IPMK: variants seen among roughly 807,000 people sequenced by gnomAD.
IPMK encodes the protein inositol polyphosphate multikinase, also known as inositol 1,3,4,6-tetrakisphosphate 5-kinase.
A neutral mutation model predicts 45.8 loss-of-function variants in IPMK; 17 were observed. The observed-to-expected ratio is 0.37, with a 90% CI of 0.25 to 0.56. IPMK has a LOEUF of 0.56. Among genes scored for constraint, IPMK ranks in the 20% least tolerant of loss-of-function variants. The pLI, the probability that IPMK is intolerant of heterozygous loss-of-function variation, is 0.79. For missense variants in IPMK, 399 were observed against 498.0 expected, an observed-to-expected ratio of 0.80 and a Z score of 1.89; for synonymous variants, 180 against 184.3, an observed-to-expected ratio of 0.98 and a Z score of 0.19.
intron 4 of IPMK, among the ~76,000 whole-genome samples, chr10:58,203,270 A>G (rs1448034517): frequency 6.6e-6 from 1 of 152,234 alleles, no homozygotes; most frequent in Admixed American, 6.5e-5. Flanking sequence ...AATTGCTGCA[A>G]TCTCATGATA....
chr10:58,229,256 T>C (rs1448679068), intron 2 of IPMK, among the ~76,000 whole-genome samples: 1 of 152,106 alleles, frequency 6.6e-6, no homozygotes, highest in East Asian at 1.9e-4. Context: ...GGGCAATTTG[T>C]ATTTAAAAAA....
At position 58,196,317 on chromosome 10, in the gene IPMK, A is replaced by G. The variant is rs1837892228; in HGVS notation, c.1010T>C (p.Val337Ala). Reference protein sequence around the residue: ...KKHHSQTSLKVENLEQDNGWK... With the variant: ...KKHHSQTSLKAENLEQDNGWK... ...CCCATTGTCTTGCTCCAGATTTTCAACTTTCAATGAAGTCTGACTGTGATG... is the reference window on the plus strand; with the variant it reads ...CCCATTGTCTTGCTCCAGATTTTCAGCTTTCAATGAAGTCTGACTGTGATG... Residue 337 changes from valine (V) to alanine (A), a missense_variant, in exon 6 of 6, where the codon GTT becomes GCT. Physicochemically the swap from Val to Ala is moderately conservative, Grantham distance 64 (BLOSUM62 0). This residue lies in a region of IPMK where 288 missense variants were observed against 398.0 expected (regional missense o/e 0.72). Transcript: ENST00000373935. 6.2e-7 allele frequency: 1 copy of G among 1,614,174 alleles called. No individual in the cohort carries two copies. Among genetic ancestry groups the G allele is most frequent in the Non-Finnish European group, 8.5e-7 (1 of 1,180,026 alleles).
At chr10:58,262,194 G>T (rs1839082347) in intron 1 of IPMK, among the ~76,000 whole-genome samples, 1 of 152,056 alleles carries the variant, frequency 6.6e-6, no homozygotes, top group South Asian at 2.1e-4. Flanking sequence ...GTATACATAT[G>T]TAACAAACCT....
intron 2 of IPMK, among the ~76,000 whole-genome samples, chr10:58,236,280 G>A (rs1838611522): frequency 1.3e-5 from 2 of 151,980 alleles, no homozygotes; most frequent in South Asian, 4.2e-4. Flanking sequence ...GATACGAAAA[G>A]GCTCCTGGAC....
At chr10:58,242,355 G>A (rs1469109175) in intron 1 of IPMK, among the ~76,000 whole-genome samples, 2 of 151,896 alleles carry the variant, frequency 1.3e-5, no homozygotes, top group Non-Finnish European at 2.9e-5. Context: ...AGCTACTCGG[G>A]AGGCTGAGGC....
intron 3 of IPMK, among the ~76,000 whole-genome samples, chr10:58,220,351 A>G (rs952859660): frequency 6.6e-6 from 1 of 152,196 alleles, no homozygotes; most frequent in African/African-American, 2.4e-5. Flanking sequence ...AGACACCCTC[A>G]TATCCTTATA....
chr10:58,224,746 T>C (rs1838387774), intron 3 of IPMK, among the ~76,000 whole-genome samples: 1 of 152,128 alleles, frequency 6.6e-6, no homozygotes, highest in Admixed American at 6.6e-5. Flanking sequence ...TAAGAAAAGA[T>C]ACCCAAACAA....
chr10:58,267,820 T>C lies in IPMK; in HGVS notation c.-209A>G, dbSNP rs1839177767. 2.0e-6 allele frequency: 1 copy of C among 499,726 alleles called. No homozygotes were observed. The highest frequency in any genetic ancestry group is 3.5e-6 in the Non-Finnish European group (1 of 285,608). The allele number at this position is 499,726 out of a possible 1,614,324, so 31.0% of individuals were successfully genotyped here. ...TGCCCAACTCTCGGCGGAACGCGGC[T>C]CCCGGCTCCTGTTCCTCTGCCGCCG... On this transcript the variant is annotated 5_prime_UTR_variant, in exon 1 of 6. Coordinates refer to ENST00000373935, the MANE Select transcript of IPMK (RefSeq NM_152230.5).
chr10:58,193,377 A>G lies in IPMK; in HGVS notation c.*2699T>C, dbSNP rs1205468733. ...AATCTTTCCAGACACACAACTAATA[A>G]TGAATACTGAGTTGAAATACCACAA... is the stretch of plus-strand genomic sequence containing the variant. On this transcript the variant is annotated 3_prime_UTR_variant, in exon 6 of 6. Coordinates refer to ENST00000373935, the MANE Select transcript of IPMK (RefSeq NM_152230.5). 1 of 151,878 alleles carries G rather than the reference A, an allele frequency of 6.6e-6. No homozygotes were observed. Among genetic ancestry groups the G allele is most frequent in the Non-Finnish European group, 1.5e-5 (1 of 67,784 alleles). The allele number at this position is 151,878 out of a possible 1,614,324, so 9.4% of individuals were successfully genotyped here.
chr10:58,219,352 G>T (rs977152338), intron 3 of IPMK, among the ~76,000 whole-genome samples: 2 of 152,168 alleles, frequency 1.3e-5, no homozygotes, highest in African/African-American at 4.8e-5. Context: ...AAGTGCTTTT[G>T]AAAAAGGTAA....
chr10:58,196,285 T>G lies in IPMK; in HGVS notation c.1042A>C (p.Ser348Arg). 1.2e-6 allele frequency: 2 copies of G among 1,614,124 alleles called. No homozygotes were observed. The highest frequency in any genetic ancestry group is 1.7e-6 in the Non-Finnish European group (2 of 1,179,984). Residue 348 changes from serine to arginine, a missense_variant, in exon 6 of 6, where the codon AGC (serine) becomes CGC (arginine). Ser to Arg is a moderately radical substitution (Grantham distance 110). Transcript: ENST00000373935. ...CCATTTAAATGTTCCTGTGACATGCTTTTCCACCCATTGTCTTGCTCCAGA... is the reference window on the plus strand; with the variant it reads ...CCATTTAAATGTTCCTGTGACATGCGTTTCCACCCATTGTCTTGCTCCAGA... Reference protein sequence around the residue: ...ENLEQDNGWKSMSQEHLNGNV... With the variant: ...ENLEQDNGWKRMSQEHLNGNV...
At chr10:58,217,685 T>A (rs1350080738) in intron 3 of IPMK, among the ~76,000 whole-genome samples, 6 of 44,930 alleles carry the variant, frequency 1.3e-4, no homozygotes, top group East Asian at 1.1e-3. Flanking sequence ...CAAAACTCCA[T>A]CTCAAAAAAA....
chr10:58,235,586 T>A (rs1838597904), intron 2 of IPMK, among the ~76,000 whole-genome samples: 1 of 152,174 alleles, frequency 6.6e-6, no homozygotes, highest in African/African-American at 2.4e-5. Flanking sequence ...AAACACCACA[T>A]GTTCTCACTA....
intron 4 of IPMK, among the ~76,000 whole-genome samples, chr10:58,208,419 C>T (rs1248734697): frequency 6.6e-6 from 1 of 152,162 alleles, no homozygotes; most frequent in Admixed American, 6.5e-5. Flanking sequence ...TGTCATATTA[C>T]CAGAATTAGT....
intron 1 of IPMK, among the ~76,000 whole-genome samples, chr10:58,245,343 ATGG>A (rs1838780787): frequency 6.6e-6 from 1 of 151,964 alleles, no homozygotes; most frequent in South Asian, 2.1e-4. Context: ...CTAGAAAATA[ATGG>A]CTCATGCCTA....
At chr10:58,261,024 C>T (rs1839057336) in intron 1 of IPMK, among the ~76,000 whole-genome samples, 3 of 149,062 alleles carry the variant, frequency 2.0e-5, no homozygotes, top group Non-Finnish European at 3.0e-5. Context: ...GAATCAAGAT[C>T]GTGAAGTAGG....
At chr10:58,209,282 T>G (rs774831488) in intron 4 of IPMK, among the ~76,000 whole-genome samples, 4 of 152,182 alleles carry the variant, frequency 2.6e-5, no homozygotes, top group Non-Finnish European at 5.9e-5. Context: ...TCCAAGGTCC[T>G]TCATGATCAC....
chr10:58,265,622 T>C (rs1216661904), intron 1 of IPMK, among the ~76,000 whole-genome samples: 1 of 152,242 alleles, frequency 6.6e-6, no homozygotes, highest in Non-Finnish European at 1.5e-5. Flanking sequence ...CATTCTACTA[T>C]GGTGACACAA....
Position 58,196,023 on chromosome 10 carries a change from T to G in IPMK, c.*53A>C, listed in dbSNP as rs1414944899. 1.3e-6 allele frequency: 2 copies of G among 1,522,546 alleles called. No homozygotes were observed. Among genetic ancestry groups the G allele is most frequent in the Non-Finnish European group, 1.8e-6 (2 of 1,123,506 alleles). 94.3% of individuals were successfully genotyped at this position (1,522,546 alleles called of 1,614,324 possible). A position where few individuals can be genotyped will look rare whatever the true frequency, so the allele number is the denominator to read the frequency against. On this transcript the variant is annotated 3_prime_UTR_variant, in exon 6 of 6. Coordinates refer to ENST00000373935, the MANE Select transcript of IPMK (RefSeq NM_152230.5). Reference sequence around the variant, plus strand: ...TAGCATTAAAGGTGCAGATATTGACTGCCCCTCTTCATTATGATTGGCCCA... The same window carrying G: ...TAGCATTAAAGGTGCAGATATTGACGGCCCCTCTTCATTATGATTGGCCCA...
Sources: allele counts gnomAD v4.1 joint callset (sites outside exome capture counted in the v4.1 genomes callset), GRCh38; gene constraint gnomAD v4.1.1; regional missense constraint gnomAD v4.1.1; transcripts MANE v1.5; gene names NCBI Gene and HGNC (gene_info 2026-07-23, HGNC 2026-07-21).